The following MGAT4C variants were observed in gnomAD, a reference collection of about 807,000 sequenced individuals.
MGAT4C encodes MGAT4 family member C, also known as alpha-1,3-mannosyl-glycoprotein 4-beta-N-acetylglucosaminyltransferase C.
A neutral mutation model predicts 40.1 loss-of-function variants in MGAT4C; 19 were observed. The ratio of observed to expected loss-of-function variants is 0.47; its 90% CI spans 0.33 to 0.70. MGAT4C has a LOEUF of 0.70. MGAT4C is among the 30% of genes least tolerant of loss of function. MGAT4C has a pLI of 0.02. For synonymous variants in MGAT4C, 181 were observed against 187.1 expected, an observed-to-expected ratio of 0.97 and a Z score of 0.27; for missense variants, 491 against 563.2, an observed-to-expected ratio of 0.87 and a Z score of 1.30.
rs1410772405 is a variant in MGAT4C, at chr12:86,787,561, C to A, written c.-262+51105G>T. Among the ~76,000 whole-genome samples, 6 of 150,870 alleles carry A rather than the reference C, an allele frequency of 4.0e-5. 1 individual carries two copies. The highest frequency in any genetic ancestry group is 4.2e-4 in the South Asian group (2 of 4,776). On this transcript the variant is annotated intron_variant, in intron 1 of 7. Coordinates refer to the MGAT4C transcript ENST00000548651. ...GTCATCAGGTACATGCAAATTAAAACCACAATGAGATACCATCTCATACCA... is the reference window on the plus strand; with the variant it reads ...GTCATCAGGTACATGCAAATTAAAAACACAATGAGATACCATCTCATACCA...
intron 2 of MGAT4C, among the ~76,000 whole-genome samples, chr12:86,604,628 G>A (rs1304326532): frequency 1.3e-5 from 2 of 152,040 alleles, no homozygotes; most frequent in Non-Finnish European, 2.9e-5. Flanking sequence ...GAAAAAACTG[G>A]AAGTCACTTT....
At chr12:86,832,201 C>T (rs942826479) in intron 1 of MGAT4C, among the ~76,000 whole-genome samples, 9 of 151,730 alleles carry the variant, frequency 5.9e-5, no homozygotes, top group African/African-American at 2.2e-4. Flanking sequence ...CAAAGATTTC[C>T]CTCAAGCATG....
intron 2 of MGAT4C, among the ~76,000 whole-genome samples, chr12:86,035,284 T>A (rs1353714055): frequency 6.7e-6 from 1 of 149,536 alleles, no homozygotes; most frequent in African/African-American, 2.4e-5. Flanking sequence ...TGAAACAGCA[T>A]CTTGGTATCT....
intron 2 of MGAT4C, among the ~76,000 whole-genome samples, chr12:86,627,044 C>T (rs1407616573): frequency 6.6e-5 from 10 of 152,222 alleles, no homozygotes; most frequent in African/African-American, 9.6e-5. Flanking sequence ...ATGGTCTTAG[C>T]AAATGGGACA....
At position 86,083,589 on chromosome 12, in the gene MGAT4C, A is replaced by T. The variant is rs116763039; in HGVS notation, c.-56-33866T>A. On this transcript the variant is annotated intron_variant, in intron 1 of 4. Coordinates refer to ENST00000611864, the MANE Select transcript of MGAT4C (RefSeq NM_001351288.2). ...AAATAAAATCACAGAGACACGATTG[A>T]GGATGGGCTGTACTAGATAACAATA... is the stretch of plus-strand genomic sequence containing the variant. 6.6e-3 allele frequency among the ~76,000 whole-genome samples: 998 copies of T among 152,154 alleles called. 9 individuals are homozygous for T. Among genetic ancestry groups the T allele is most frequent in the African/African-American group, 0.022 (934 of 41,540 alleles).
intron 1 of MGAT4C, among the ~76,000 whole-genome samples, chr12:86,067,189 C>T (rs185768589): frequency 1.3e-4 from 20 of 152,246 alleles, no homozygotes; most frequent in African/African-American, 4.8e-4. Context: ...ACCATTTGAC[C>T]TAGCAACCTT....
At chr12:86,050,402 T>C (rs1892789091) in intron 1 of MGAT4C, among the ~76,000 whole-genome samples, 1 of 152,068 alleles carries the variant, frequency 6.6e-6, no homozygotes, top group African/African-American at 2.4e-5. Flanking sequence ...TATGTGTATT[T>C]TCTTTAAGCA....
At chr12:86,340,192 T>C (rs568114764) in intron 3 of MGAT4C, among the ~76,000 whole-genome samples, 3 of 152,314 alleles carry the variant, frequency 2.0e-5, no homozygotes, top group Admixed American at 1.3e-4. Flanking sequence ...AAGTAAATCA[T>C]CTTAAAGAAC....
intron 1 of MGAT4C, among the ~76,000 whole-genome samples, chr12:86,178,842 C>T (rs1887777660): frequency 6.6e-6 from 1 of 152,162 alleles, no homozygotes. Context: ...TTATTTGACT[C>T]ATAGATCCCT....
At chr12:86,315,692 C>CGA (rs2136155232) in intron 4 of MGAT4C, among the ~76,000 whole-genome samples, 1 of 151,798 alleles carries the variant, frequency 6.6e-6, no homozygotes, top group South Asian at 2.1e-4. Context: ...GGGGACAGGG[C>CGA]GAGACTCCGT....
At chr12:86,646,289 G>C (rs1350305331) in intron 2 of MGAT4C, among the ~76,000 whole-genome samples, 1 of 151,708 alleles carries the variant, frequency 6.6e-6, no homozygotes, top group African/African-American at 2.4e-5. Context: ...TATTGTTTTT[G>C]AGTTCTTTCA....
chr12:86,564,653 T>C (rs1960011686), intron 2 of MGAT4C, among the ~76,000 whole-genome samples: 1 of 152,200 alleles, frequency 6.6e-6, no homozygotes, highest in Non-Finnish European at 1.5e-5. Flanking sequence ...GTTGAGATAT[T>C]CCTTCTAAGG....
In MGAT4C at chr12:86,162,611, A is replaced by G. The variant is rs1198884271; in HGVS notation, c.-57+93628T>C. 3.9e-5 allele frequency among the ~76,000 whole-genome samples: 6 copies of G among 152,176 alleles called. No individual in the cohort carries two copies. The East Asian group carries it at 1.2e-3, about 29-fold the overall frequency. On this transcript the variant is annotated intron_variant, in intron 1 of 4. Transcript: ENST00000611864. Reference sequence around the variant, plus strand: ...TACAACATTCCCATGTAACAAATCTATACATGTACTCCCTGTATCTAAAAT... The same window carrying G: ...TACAACATTCCCATGTAACAAATCTGTACATGTACTCCCTGTATCTAAAAT...
intron 2 of MGAT4C, among the ~76,000 whole-genome samples, chr12:86,695,211 C>G (rs2136604342): frequency 6.6e-6 from 1 of 152,272 alleles, no homozygotes; most frequent in South Asian, 2.1e-4. Context: ...ACCAAAACTA[C>G]AGTAAGTTAT....
chr12:86,482,344 A>G (rs971313457), intron 2 of MGAT4C, among the ~76,000 whole-genome samples: 5 of 152,102 alleles, frequency 3.3e-5, no homozygotes, highest in Non-Finnish European at 7.4e-5. Context: ...TGAGAATCCA[A>G]ATACTGCTAT....
At chr12:86,734,640 A>C (rs1950957829) in intron 1 of MGAT4C, among the ~76,000 whole-genome samples, 1 of 152,008 alleles carries the variant, frequency 6.6e-6, no homozygotes, top group South Asian at 2.1e-4. Context: ...CCTGTAGCAC[A>C]TGAGGATACA....
At chr12:86,417,811 G>A (rs534636240) in intron 3 of MGAT4C, among the ~76,000 whole-genome samples, 31 of 152,012 alleles carry the variant, frequency 2.0e-4, no homozygotes, top group Middle Eastern at 3.4e-3. Flanking sequence ...ATAAGACCTA[G>A]GATTTAATTA....
chr12:86,818,267 C>A (rs1952642369), intron 1 of MGAT4C, among the ~76,000 whole-genome samples: 1 of 151,036 alleles, frequency 6.6e-6, no homozygotes, highest in Non-Finnish European at 1.5e-5. Context: ...AAAAAATAGT[C>A]TTAAAAATAA....
At chr12:86,815,892 GC>G (rs1233152959) in intron 1 of MGAT4C, among the ~76,000 whole-genome samples, 1 of 151,746 alleles carries the variant, frequency 6.6e-6, no homozygotes. Context: ...CAAATATGGA[GC>G]AGTGTATACT....
Sources: gnomAD v4.1 joint callset for allele counts (sites outside exome capture counted in the v4.1 genomes callset) on GRCh38, gnomAD v4.1.1 for gene constraint, MANE v1.5 for transcripts, NCBI Gene and HGNC (gene_info 2026-07-23, HGNC 2026-07-21) for gene names.